PCDH19: variants seen among roughly 807,000 people sequenced by gnomAD.
PCDH19 encodes protocadherin-19.
In PCDH19, 6 loss-of-function variants were observed where a neutral mutation model predicts 46.2. That is an observed-to-expected ratio of 0.13 (90% CI 0.07 to 0.26). The LOEUF (loss-of-function observed/expected upper bound fraction) is 0.26, where lower values mean the gene tolerates loss of function less well. Among genes scored for constraint, PCDH19 ranks in the 10% least tolerant of loss-of-function variants. The probability of loss-of-function intolerance (pLI) is 1.00; values close to 1 mark genes in which losing one functional copy is unlikely to be tolerated. For missense variants in PCDH19, 740 were observed against 972.3 expected, an observed-to-expected ratio of 0.76 and a Z score of 3.18; for synonymous variants, 481 against 415.7, an observed-to-expected ratio of 1.16 and a Z score of -1.91.
intron 5 of PCDH19, among the ~76,000 whole-genome samples, chrX:100,322,944 C>G (rs1008684670): frequency 6.9e-5 from 7 of 101,354 alleles, no homozygotes; most frequent in Non-Finnish European, 1.2e-4. Context: ...AGAAGAACTA[C>G]TGATTTGTGT....
intron 5 of PCDH19, among the ~76,000 whole-genome samples, chrX:100,313,414 A>T (rs1471156167): frequency 8.9e-6 from 1 of 111,739 alleles, no homozygotes; most frequent in Non-Finnish European, 1.9e-5. Context: ...TTCGGCAGTT[A>T]TAAGAGGAAG....
At chrX:100,392,851 G>A (rs1927900768) in intron 3 of PCDH19, among the ~76,000 whole-genome samples, 1 of 111,557 alleles carries the variant, frequency 9.0e-6, no homozygotes, top group Non-Finnish European at 1.9e-5. Context: ...TTATAAAAAA[G>A]CCTCTTAAAG....
rs779759129 is a variant in PCDH19 at position 100,407,740 on chromosome X, G to A, written c.858C>T (p.Arg286=). The A allele has an allele frequency of 8.2e-6, 10 of 1,212,235 alleles. No individual in the cohort carries two copies. The highest frequency in any genetic ancestry group is 2.3e-4 in the Middle Eastern group (1 of 4,355). ...TGTGCGGGTCGATCTGAAAGAGCTC[G>A]CGCGTGCGGTCGTTGACGTAGCCAT... The part of the protein sequence containing the change: ...SFYGYVNDRT[R]ELFQIDPHSG... Residue 286 remains arginine (R), a synonymous_variant, in exon 1 of 6, where the codon CGC becomes CGT. Transcript: ENST00000373034.
chrX:100,389,407 G>C (rs779233624), intron 3 of PCDH19, among the ~76,000 whole-genome samples: 1 of 109,539 alleles, frequency 9.1e-6, no homozygotes, highest in East Asian at 2.8e-4. Context: ...GAAATAGGAA[G>C]ATATTGGCCA....
chrX:100,306,282 A>G (rs1295490707), intron 5 of PCDH19, among the ~76,000 whole-genome samples: 1 of 112,103 alleles, frequency 8.9e-6, no homozygotes, highest in Non-Finnish European at 1.9e-5. Flanking sequence ...ATGCAAATAC[A>G]TGGAAGTTAA....
rs750724091 is a variant in PCDH19 at position 100,374,011 on chromosome X, G to T, written c.2617-23307C>A. Among the ~76,000 whole-genome samples the T allele has an allele frequency of 5.3e-5, 6 of 112,353 alleles. No homozygotes were observed. The South Asian group carries it at 2.2e-3, about 42-fold the overall frequency. On this transcript the variant is annotated intron_variant, in intron 3 of 5. Transcript: ENST00000373034. ...AGGAGAAGGTCCCATAAAAATGAGG[G>T]TTTCTCTAAGGGAGCACCTTTGGAA...
At position 100,378,841 on chromosome X, in the gene PCDH19, A is replaced by C. The variant is rs772254554; in HGVS notation, c.2616+23683T>G. Among the ~76,000 whole-genome samples the C allele has an allele frequency of 1.1e-4, 12 of 112,088 alleles. No homozygotes were observed. In the East Asian group the frequency reaches 3.4e-3, roughly 32 times the overall value. ...TCTTCTCTGATTATGTCATCGACACAAACAAGTCTCCCCTTTCGTCAGCAC... is the reference window on the plus strand; with the variant it reads ...TCTTCTCTGATTATGTCATCGACACCAACAAGTCTCCCCTTTCGTCAGCAC... On this transcript the variant is annotated intron_variant, in intron 3 of 5. Transcript: ENST00000373034.
chrX:100,300,632 C>T (rs1237458103), intron 5 of PCDH19, among the ~76,000 whole-genome samples: 7 of 111,626 alleles, frequency 6.3e-5, no homozygotes, highest in Non-Finnish European at 1.1e-4. Flanking sequence ...TTTAAACATA[C>T]TCATGATGAG....
intron 3 of PCDH19, among the ~76,000 whole-genome samples, chrX:100,360,603 T>C (rs1214304765): frequency 6.2e-5 from 7 of 112,349 alleles, no homozygotes; most frequent in Admixed American, 5.7e-4. Flanking sequence ...GACCTTTAAG[T>C]ACTCATTTCA....
At chrX:100,394,950 G>C (rs901450302) in intron 3 of PCDH19, among the ~76,000 whole-genome samples, 1 of 104,237 alleles carries the variant, frequency 9.6e-6, no homozygotes, top group African/African-American at 3.5e-5. Flanking sequence ...TGCAGTGGCG[G>C]GATCTTGGCT....
At chrX:100,375,318 A>T (rs1289976987) in intron 3 of PCDH19, among the ~76,000 whole-genome samples, 2 of 111,462 alleles carry the variant, frequency 1.8e-5, no homozygotes, top group African/African-American at 3.3e-5. Flanking sequence ...TCATTGTTCA[A>T]TTCCCACCTG....
intron 3 of PCDH19, among the ~76,000 whole-genome samples, chrX:100,351,742 C>A (rs1926576342): frequency 8.9e-6 from 1 of 112,624 alleles, no homozygotes; most frequent in Admixed American, 9.4e-5. Context: ...AACACAATTT[C>A]TGTCTAGCAA....
intron 3 of PCDH19, among the ~76,000 whole-genome samples, chrX:100,354,501 C>T (rs1020867271): frequency 1.6e-4 from 18 of 111,435 alleles, no homozygotes; most frequent in Non-Finnish European, 3.2e-4. Context: ...AGTGTACCTC[C>T]GGGGTGGCAA....
chrX:100,338,264 C>T (rs1224627633), intron 5 of PCDH19, among the ~76,000 whole-genome samples: 1 of 104,084 alleles, frequency 9.6e-6, no homozygotes, highest in Non-Finnish European at 2.0e-5. Context: ...ATGGCGTGAA[C>T]CCGGGAGGCG....
intron 5 of PCDH19, among the ~76,000 whole-genome samples, chrX:100,300,937 A>G (rs1046330868): frequency 4.6e-5 from 5 of 108,131 alleles, no homozygotes; most frequent in Non-Finnish European, 9.6e-5. Flanking sequence ...AAATTAAAGC[A>G]TCAGTCTTGC....
intron 4 of PCDH19, among the ~76,000 whole-genome samples, chrX:100,347,194 G>A (rs1043134730): frequency 1.8e-5 from 2 of 111,340 alleles, no homozygotes; most frequent in African/African-American, 6.5e-5. Flanking sequence ...TTGTGCCTAT[G>A]AGAACCCCCT....
chrX:100,315,323 C>A (rs947162963), intron 5 of PCDH19, among the ~76,000 whole-genome samples: 2 of 112,274 alleles, frequency 1.8e-5, no homozygotes, highest in Admixed American at 1.9e-4. Flanking sequence ...AAGAAAATTT[C>A]GAGTCTTACA....
chrX:100,334,890 AATATGCTATAACACAATATGTTAAATAG>A (rs1926039186), intron 5 of PCDH19, among the ~76,000 whole-genome samples: 1 of 109,205 alleles, frequency 9.2e-6, no homozygotes, highest in Admixed American at 9.9e-5. Flanking sequence ...TGGGAAACAC[AATATGCTATAACACAATATGTTAAATAG>A]ATATGCTATA....
chrX:100,399,173 CATAAT>C (rs1364175815), intron 3 of PCDH19, among the ~76,000 whole-genome samples: 1 of 111,764 alleles, frequency 8.9e-6, no homozygotes, highest in African/African-American at 3.2e-5. Context: ...ATGTAAGTAA[CATAAT>C]ATAGAGAAAT....
Sources: allele counts gnomAD v4.1 joint callset (sites outside exome capture counted in the v4.1 genomes callset), GRCh38; gene constraint gnomAD v4.1.1; transcripts MANE v1.5; gene names NCBI Gene and HGNC (gene_info 2026-07-23, HGNC 2026-07-21).